The following PRKN variants were observed in gnomAD, a reference collection of about 807,000 sequenced individuals.
PRKN encodes the protein E3 ubiquitin-protein ligase parkin.
A neutral mutation model predicts 59.5 loss-of-function variants in PRKN; 56 were observed. The observed-to-expected ratio is 0.94, with a 90% confidence interval of 0.76 to 1.18. PRKN has a LOEUF of 1.18. Ranked by LOEUF, PRKN falls within the 50% of genes most tolerant of loss-of-function variation. The probability of loss-of-function intolerance (pLI) is 0.00; values close to 1 mark genes in which losing one functional copy is unlikely to be tolerated. For synonymous variants in PRKN, 250 were observed against 222.1 expected, an observed-to-expected ratio of 1.13 and a Z score of -1.12; for missense variants, 657 against 596.4, an observed-to-expected ratio of 1.10 and a Z score of -1.06.
intron 1 of PRKN, among the ~76,000 whole-genome samples, chr6:162,687,225 G>T (rs547926468): frequency 4.2e-5 from 6 of 142,282 alleles, no homozygotes; most frequent in Admixed American, 1.5e-4. Context: ...TCACTCTGTC[G>T]TCCAGGCTAG....
chr6:162,144,092 T>C (rs1416099153), intron 4 of PRKN, among the ~76,000 whole-genome samples: 1 of 152,186 alleles, frequency 6.6e-6, no homozygotes, highest in Non-Finnish European at 1.5e-5. Flanking sequence ...AGAAAGGGGC[T>C]GGTGATGCGG....
intron 1 of PRKN, among the ~76,000 whole-genome samples, chr6:162,636,370 T>C (rs1016425878): frequency 2.0e-5 from 3 of 152,150 alleles, no homozygotes; most frequent in Non-Finnish European, 4.4e-5. Flanking sequence ...CCACCTCCTG[T>C]GGAGCAATGT....
rs190559602 is a variant in PRKN, at chr6:161,990,873, A to G, written c.619-17456T>C. On this transcript the variant is annotated intron_variant, in intron 5 of 11. Coordinates refer to ENST00000366898, the MANE Select transcript of PRKN (RefSeq NM_004562.3). ...CTGAAAACTTCTCAAGTCTTGCAAG[A>G]GACTTAGACATCCAGATACAAAAAG... Among the ~76,000 whole-genome samples the G allele has an allele frequency of 1.3e-3, 205 of 152,336 alleles. 1 individual carries two copies. The highest frequency in any genetic ancestry group is 2.1e-3 in the Non-Finnish European group (144 of 68,022).
intron 7 of PRKN, among the ~76,000 whole-genome samples, chr6:161,669,440 G>A (rs573604557): frequency 6.6e-6 from 1 of 152,242 alleles, no homozygotes; most frequent in Admixed American, 6.5e-5. Flanking sequence ...TGTTTGGCTG[G>A]GCTTGGAACA....
At chr6:161,583,700 G>A (rs577453040) in intron 7 of PRKN, among the ~76,000 whole-genome samples, 2 of 152,006 alleles carry the variant, frequency 1.3e-5, no homozygotes, top group East Asian at 3.9e-4. Flanking sequence ...GGATATTAAG[G>A]ATGTTGCATC....
chr6:161,958,761 T>G (rs1189052540), intron 6 of PRKN, among the ~76,000 whole-genome samples: 1 of 151,924 alleles, frequency 6.6e-6, no homozygotes. Flanking sequence ...GTATCTGTAA[T>G]CCCAGCTACT....
intron 3 of PRKN, among the ~76,000 whole-genome samples, chr6:162,249,675 AG>A (rs138771257): frequency 0.055 from 8,364 of 152,246 alleles, 299 homozygotes; most frequent in Middle Eastern, 0.14. Context: ...AAAAAATCTC[AG>A]GCAGAATTAA....
intron 1 of PRKN, among the ~76,000 whole-genome samples, chr6:162,570,665 G>T (rs1780284931): frequency 6.6e-6 from 1 of 152,182 alleles, no homozygotes; most frequent in African/African-American, 2.4e-5. Context: ...CCAGTCATTT[G>T]CAACAACCTG....
intron 5 of PRKN, among the ~76,000 whole-genome samples, chr6:162,031,757 T>A (rs1168001724): frequency 6.6e-6 from 1 of 152,114 alleles, no homozygotes; most frequent in Non-Finnish European, 1.5e-5. Flanking sequence ...CTCGAACTCC[T>A]GACCTCAGGT....
At chr6:162,299,837 T>C (rs935416449) in intron 2 of PRKN, among the ~76,000 whole-genome samples, 1 of 152,040 alleles carries the variant, frequency 6.6e-6, no homozygotes, top group Admixed American at 6.5e-5. Context: ...TTACACATAA[T>C]TGTAAAGTAA....
chr6:162,453,855 A>G (rs1790739415), intron 1 of PRKN, among the ~76,000 whole-genome samples: 1 of 152,130 alleles, frequency 6.6e-6, no homozygotes. Context: ...GTGAACTGAG[A>G]TCGCGCCATG....
intron 2 of PRKN, among the ~76,000 whole-genome samples, chr6:162,359,130 T>C (rs2128133377): frequency 6.7e-6 from 1 of 149,960 alleles, no homozygotes; most frequent in South Asian, 2.1e-4. Context: ...TGTTTACTTG[T>C]TTCCTAAATC....
At chr6:162,564,314 C>G (rs1191743634) in intron 1 of PRKN, among the ~76,000 whole-genome samples, 1 of 151,438 alleles carries the variant, frequency 6.6e-6, no homozygotes, top group South Asian at 2.1e-4. Flanking sequence ...CACTGCACTC[C>G]AGCCTGGCAA....
intron 1 of PRKN, among the ~76,000 whole-genome samples, chr6:162,559,995 C>T (rs1779769005): frequency 6.6e-6 from 1 of 152,168 alleles, no homozygotes; most frequent in Non-Finnish European, 1.5e-5. Context: ...GTCTAACAAA[C>T]AGTAAGCTCA....
At position 161,550,147 on chromosome 6, in the gene PRKN, C is replaced by T. The variant is rs1331733714; in HGVS notation, c.934-1144G>A. ...GAGAATACTATAAGGGGCCAGAGCC[C>T]CAGTGTGCTGATGTGGTTGGCTGTT... On this transcript the variant is annotated intron_variant, in intron 8 of 11. Transcript: ENST00000366898. The surrounding 1 kb of genome is among the most constrained non-coding windows in gnomAD (Gnocchi z 4.0). Among the ~76,000 whole-genome samples the T allele has an allele frequency of 6.6e-6, 1 of 152,156 alleles. No homozygotes were observed. Among genetic ancestry groups the T allele is most frequent in the Admixed American group, 6.5e-5 (1 of 15,278 alleles).
At chr6:162,380,961 G>A (rs952597191) in intron 2 of PRKN, among the ~76,000 whole-genome samples, 3 of 152,218 alleles carry the variant, frequency 2.0e-5, no homozygotes, top group Non-Finnish European at 2.9e-5. Context: ...GACCAGAGTG[G>A]CCGCCGTGGT....
intron 7 of PRKN, among the ~76,000 whole-genome samples, chr6:161,708,804 T>C (rs1272169223): frequency 6.6e-6 from 1 of 152,220 alleles, no homozygotes; most frequent in African/African-American, 2.4e-5. Context: ...AGCTGGTTTC[T>C]AGAGCCCACA....
intron 1 of PRKN, among the ~76,000 whole-genome samples, chr6:162,508,577 C>A (rs1356112678): frequency 6.6e-6 from 1 of 152,098 alleles, no homozygotes; most frequent in Admixed American, 6.6e-5. Context: ...TGAGAGGCAT[C>A]CCACATAAAG....
At chr6:162,344,772 G>A (rs898173560) in intron 2 of PRKN, among the ~76,000 whole-genome samples, 1 of 152,176 alleles carries the variant, frequency 6.6e-6, no homozygotes, top group African/African-American at 2.4e-5. Flanking sequence ...CTGGGCTGCA[G>A]GTTTGAAAAT....
Sources: gnomAD v4.1 joint callset for allele counts (sites outside exome capture counted in the v4.1 genomes callset) on GRCh38, gnomAD v4.1.1 for gene constraint, Gnocchi (gnomAD v3.1) non-coding constraint, MANE v1.5 for transcripts, NCBI Gene and HGNC (gene_info 2026-07-23, HGNC 2026-07-21) for gene names.